UBR3: variants seen among roughly 807,000 people sequenced by gnomAD.
The protein encoded by UBR3 is ubiquitin protein ligase E3 component n-recognin 3, also known as E3 ubiquitin-protein ligase UBR3.
A neutral mutation model predicts 243.2 loss-of-function variants in UBR3; 85 were observed. That is an observed-to-expected ratio of 0.35 (90% CI 0.29 to 0.42). UBR3 has a LOEUF of 0.42. Among genes scored for constraint, UBR3 ranks in the 10% least tolerant of loss-of-function variants. The pLI, the probability that UBR3 is intolerant of heterozygous loss-of-function variation, is 1.00. For synonymous variants in UBR3, 748 were observed against 799.8 expected, an observed-to-expected ratio of 0.94 and a Z score of 1.09; for missense variants, 1,686 against 2,300.8, an observed-to-expected ratio of 0.73 and a Z score of 5.47.
At chr2:169,964,404 A>G in intron 24 of UBR3, 1 of 470,444 alleles carries the variant, frequency 2.1e-6, no homozygotes, top group South Asian at 1.6e-5. Flanking sequence ...GAGACAAAAC[A>G]AAAACAATTT....
At chr2:169,984,548 A>C (rs58006806) in intron 24 of UBR3, among the ~76,000 whole-genome samples, 14,773 of 152,108 alleles carry the variant, frequency 0.097, 856 homozygotes, top group African/African-American at 0.16. Flanking sequence ...AGAATAGGTT[A>C]TTTATTTTTT....
chr2:169,935,618 C>G (rs1163828351), intron 19 of UBR3, among the ~76,000 whole-genome samples: 1 of 152,164 alleles, frequency 6.6e-6, no homozygotes, highest in Non-Finnish European at 1.5e-5. Context: ...TGCCTCCTGT[C>G]TCCCATCTTG....
rs534616214 is a variant in UBR3 at position 169,925,741 on chromosome 2, G to A, written c.2145G>A (p.Leu715=). Residue 715 remains leucine, a synonymous_variant, in exon 14 of 39, where the codon CTG becomes CTA. Coordinates refer to ENST00000272793, the MANE Select transcript of UBR3 (RefSeq NM_172070.4). ...CCATGATTGATCCTGACATTTACCT[G>A]TTACAGGTAAGCCAGCTAGATAATG... ...CNSMIDPDIY[L]LQVCASRLDP... 3.2e-6 allele frequency: 5 copies of A among 1,545,578 alleles called. No individual in the cohort carries two copies. The highest frequency in any genetic ancestry group is 4.4e-6 in the Non-Finnish European group (5 of 1,144,848).
At chr2:169,900,151 A>G (rs2105330291) in intron 8 of UBR3, among the ~76,000 whole-genome samples, 1 of 152,290 alleles carries the variant, frequency 6.6e-6, no homozygotes, top group South Asian at 2.1e-4. Flanking sequence ...CATCCTCTCC[A>G]GCGTCTGTGG....
chr2:170,082,676 G>A lies in UBR3; in HGVS notation c.*833G>A, dbSNP rs564417314. 2 of 152,656 alleles carry A rather than the reference G, an allele frequency of 1.3e-5. No homozygotes were observed. Among genetic ancestry groups the A allele is most frequent in the South Asian group, 2.1e-4 (1 of 4,826 alleles). 9.5% of individuals were successfully genotyped at this position (152,656 alleles called of 1,614,324 possible). Reference sequence around the variant, plus strand: ...CTGGGCAGATGTTGATTCCGTGCATGCCCACCTTTTATTACCAAACAAGGT... The same window carrying A: ...CTGGGCAGATGTTGATTCCGTGCATACCCACCTTTTATTACCAAACAAGGT... On this transcript the variant is annotated 3_prime_UTR_variant, in exon 39 of 39. Coordinates refer to ENST00000272793, the MANE Select transcript of UBR3 (RefSeq NM_172070.4).
intron 3 of UBR3, among the ~76,000 whole-genome samples, chr2:169,877,138 G>A (rs1574100753): frequency 2.0e-5 from 3 of 152,106 alleles, no homozygotes; most frequent in South Asian, 2.1e-4. Context: ...GGTGAATTCC[G>A]CTACATAATT....
intron 5 of UBR3, among the ~76,000 whole-genome samples, chr2:169,881,724 T>TA (rs2083840668): frequency 7.1e-6 from 1 of 139,910 alleles, no homozygotes; most frequent in Admixed American, 7.6e-5. Flanking sequence ...ATATGTATAT[T>TA]TATATTATAT....
chr2:169,972,196 C>T (rs1404354445), intron 24 of UBR3, among the ~76,000 whole-genome samples: 2 of 152,194 alleles, frequency 1.3e-5, no homozygotes, highest in Non-Finnish European at 2.9e-5. Flanking sequence ...CACATACACT[C>T]TCCCAAGACT....
At chr2:169,964,409 C>A in intron 24 of UBR3, 1 of 469,920 alleles carries the variant, frequency 2.1e-6, no homozygotes, top group South Asian at 1.6e-5. Context: ...AAAACAAAAA[C>A]AATTTTCTGA....
intron 25 of UBR3, among the ~76,000 whole-genome samples, chr2:169,993,693 G>A: frequency 6.6e-6 from 1 of 152,166 alleles, no homozygotes. Context: ...CTTGGGTAAG[G>A]TAGTAGGTAA....
intron 20 of UBR3, among the ~76,000 whole-genome samples, chr2:169,945,658 T>C (rs934830225): frequency 1.3e-5 from 2 of 152,240 alleles, no homozygotes; most frequent in African/African-American, 4.8e-5. Flanking sequence ...TTGTGGTATT[T>C]TAGGTATCTT....
chr2:170,080,780 T>A, intron 38 of UBR3, 96 bp downstream of exon 38: 1 of 1,322,376 alleles, frequency 7.6e-7, no homozygotes, highest in Non-Finnish European at 1.0e-6. Context: ...ATTTTTTTAA[T>A]ATTAAGAAAT....
chr2:169,842,100 G>T (rs955064099), intron 1 of UBR3, among the ~76,000 whole-genome samples: 20 of 152,130 alleles, frequency 1.3e-4, no homozygotes, highest in African/African-American at 3.9e-4. Flanking sequence ...TGCACCAATC[G>T]ACACTCTGTA....
intron 24 of UBR3, among the ~76,000 whole-genome samples, chr2:169,967,944 G>C (rs1015488198): frequency 3.3e-5 from 5 of 151,704 alleles, no homozygotes; most frequent in Admixed American, 6.6e-5. Flanking sequence ...TCTTAGGTAA[G>C]TGTATACCTT....
Position 169,926,876 on chromosome 2 carries a change from A to C in UBR3, c.2243A>C (p.His748Pro). 1 of 1,550,290 alleles carries C rather than the reference A, an allele frequency of 6.5e-7. No homozygotes were observed. Among genetic ancestry groups the C allele is most frequent in the Non-Finnish European group, 8.7e-7 (1 of 1,145,960 alleles). ...GATTTGTTGACAATGGCATCACAAC[A>C]TCAAAATACAGTACTTGATGCAGAG... Reference protein sequence around the residue: ...VVDLLTMASQHQNTVLDAEHE... With the variant: ...VVDLLTMASQPQNTVLDAEHE... The change falls in exon 16 of 39, where the codon CAT becomes CCT. Residue 748 changes from histidine to proline, a missense_variant. This residue lies in a region of UBR3 where 346 missense variants were observed against 585.8 expected (regional missense o/e 0.59). Coordinates refer to ENST00000272793, the MANE Select transcript of UBR3 (RefSeq NM_172070.4).
At chr2:169,913,089 A>C (rs2085316870) in intron 10 of UBR3, among the ~76,000 whole-genome samples, 1 of 152,154 alleles carries the variant, frequency 6.6e-6, no homozygotes, top group South Asian at 2.1e-4. Context: ...AGCTGCAAAC[A>C]ATTTTTCCAA....
At chr2:170,077,277 C>T (rs554141480) in intron 36 of UBR3, 9 of 745,680 alleles carry the variant, frequency 1.2e-5, no homozygotes, top group Non-Finnish European at 2.3e-5. Flanking sequence ...TTGTTGGTAA[C>T]CACAGCCTAT....
intron 1 of UBR3, among the ~76,000 whole-genome samples, chr2:169,853,744 CT>C (rs1371173785): frequency 5.3e-5 from 8 of 151,720 alleles, no homozygotes; most frequent in African/African-American, 1.7e-4. Flanking sequence ...GCCATCGCCC[CT>C]GGCCCATTTT....
intron 1 of UBR3, among the ~76,000 whole-genome samples, chr2:169,855,254 A>T (rs547140039): frequency 1.7e-4 from 26 of 152,276 alleles, no homozygotes; most frequent in Admixed American, 5.9e-4. Context: ...CTTTTGATAA[A>T]TTTTTGCCAG....
Sources: gnomAD v4.1 joint callset for allele counts (sites outside exome capture counted in the v4.1 genomes callset) on GRCh38, gnomAD v4.1.1 for gene constraint, gnomAD v4.1.1 regional missense constraint, MANE v1.5 for transcripts, NCBI Gene and HGNC (gene_info 2026-07-23, HGNC 2026-07-21) for gene names.